MACO1: variants seen among roughly 807,000 people sequenced by gnomAD.
MACO1 encodes macoilin 1.
A neutral mutation model predicts 78.7 loss-of-function variants in MACO1; 14 were observed. That is an observed-to-expected ratio of 0.18 (90% confidence interval 0.12 to 0.28). The LOEUF (loss-of-function observed/expected upper bound fraction) is 0.28, where lower values mean the gene tolerates loss of function less well. Among genes scored for constraint, MACO1 ranks in the 10% least tolerant of loss-of-function variants. The pLI is 1.00. For missense variants in MACO1, 501 were observed against 799.0 expected (o/e 0.63, Z 4.50); for synonymous variants, 288 against 291.6 (o/e 0.99, Z 0.12).
rs371402532 is a variant in MACO1 at position 25,498,479 on chromosome 1, T to A, written c.*13T>A. 101 of 1,574,676 alleles carry A rather than the reference T, an allele frequency of 6.4e-5. No homozygotes were observed. The highest frequency in any genetic ancestry group is 1.9e-4 in the Middle Eastern group (1 of 5,330). Reference sequence around the variant, plus strand: ...CCTGAAGAAATGAAGGCCAGCTGTGTGTTGTGCCCAAAAATTTGGTTACCG... The same window carrying A: ...CCTGAAGAAATGAAGGCCAGCTGTGAGTTGTGCCCAAAAATTTGGTTACCG... On this transcript the variant is annotated 3_prime_UTR_variant, in exon 11 of 11. Coordinates refer to ENST00000374343, the MANE Select transcript of MACO1 (RefSeq NM_018202.6).
chr1:25,452,783 G>A (rs1447410070), intron 3 of MACO1, among the ~76,000 whole-genome samples: 1 of 148,620 alleles, frequency 6.7e-6, no homozygotes. Flanking sequence ...TGCAACCTCC[G>A]CCTCCTGGGT....
chr1:25,468,179 A>C (rs928539587), intron 6 of MACO1, among the ~76,000 whole-genome samples: 1 of 152,064 alleles, frequency 6.6e-6, no homozygotes, highest in African/African-American at 2.4e-5. Flanking sequence ...GAGTGTACTT[A>C]CTTATCTCTA....
chr1:25,482,654 A>G (rs749229779), intron 6 of MACO1, among the ~76,000 whole-genome samples: 2 of 152,138 alleles, frequency 1.3e-5, no homozygotes, highest in Non-Finnish European at 2.9e-5. Context: ...CCTCAGACTC[A>G]CATAGCACTT....
chr1:25,453,660 C>CAAAAAA (rs532604219), intron 3 of MACO1, among the ~76,000 whole-genome samples: 4 of 69,164 alleles, frequency 5.8e-5, no homozygotes, highest in African/African-American at 1.0e-4. Context: ...GAGACTCCCT[C>CAAAAAA]AAAAAAAAAA....
Position 25,485,933 on chromosome 1 carries a change from T to A in MACO1, c.1496+138T>A. ...GGATTGCTTTTAAGTACTGTTTTAT[T>A]AACTGGTTTAAACTCCATGTGTGCA... On this transcript the variant is annotated intron_variant, in intron 8 of 10. Coordinates refer to ENST00000374343, the MANE Select transcript of MACO1 (RefSeq NM_018202.6). The surrounding 1 kb of genome is among the most constrained non-coding windows in gnomAD (Gnocchi z 4.3). 1.1e-6 allele frequency: 1 copy of A among 927,792 alleles called. No homozygotes were observed. The highest frequency in any genetic ancestry group is 1.6e-6 in the Non-Finnish European group (1 of 611,832). 57.5% of individuals were successfully genotyped at this position (927,792 alleles called of 1,614,324 possible). A position where few individuals can be genotyped will look rare whatever the true frequency, so the allele number is the denominator to read the frequency against.
intron 6 of MACO1, among the ~76,000 whole-genome samples, chr1:25,474,988 T>G (rs972379697): frequency 2.6e-5 from 4 of 152,130 alleles, no homozygotes; most frequent in Non-Finnish European, 4.4e-5. Context: ...GAATCTAAAT[T>G]TAGAAAAACT....
intron 6 of MACO1, among the ~76,000 whole-genome samples, chr1:25,471,877 A>G (rs1038821505): frequency 6.6e-6 from 1 of 152,328 alleles, no homozygotes; most frequent in South Asian, 2.1e-4. Flanking sequence ...TTTAAAATCC[A>G]GCACTCCGTC....
At chr1:25,448,704 C>G (rs1282978886) in intron 2 of MACO1, 104 bp from the exon 3 acceptor site, 2 of 1,091,694 alleles carry the variant, frequency 1.8e-6, no homozygotes, top group African/African-American at 1.6e-5. Context: ...CAAGTTATCT[C>G]TTAGCAGTTT....
intron 6 of MACO1, among the ~76,000 whole-genome samples, chr1:25,472,894 AAAATGTATG>A (rs1349191156): frequency 6.6e-6 from 1 of 152,238 alleles, no homozygotes; most frequent in Non-Finnish European, 1.5e-5. Context: ...AATTATAATA[AAAATGTATG>A]AAATTTTAGA....
At chr1:25,486,310 GTC>G (rs1292387005) in intron 8 of MACO1, among the ~76,000 whole-genome samples, 4 of 152,190 alleles carry the variant, frequency 2.6e-5, no homozygotes, top group African/African-American at 9.6e-5. Flanking sequence ...TGAAACATAA[GTC>G]TCTACTAGAT....
At chr1:25,436,181 A>G (rs2042917644) in intron 1 of MACO1, among the ~76,000 whole-genome samples, 1 of 152,146 alleles carries the variant, frequency 6.6e-6, no homozygotes, top group Non-Finnish European at 1.5e-5. Context: ...CTTACTAGTT[A>G]TATGCTTGTA....
chr1:25,469,145 G>C (rs1439434233), intron 6 of MACO1, among the ~76,000 whole-genome samples: 1 of 152,016 alleles, frequency 6.6e-6, no homozygotes, highest in African/African-American at 2.4e-5. Context: ...ACCTGGCTGA[G>C]AAGTGTTTAA....
chr1:25,462,633 G>A (rs1465838417), intron 6 of MACO1, among the ~76,000 whole-genome samples: 1 of 152,174 alleles, frequency 6.6e-6, no homozygotes, highest in African/African-American at 2.4e-5. Context: ...CTACAGCTAT[G>A]TCTGTCTGAA....
In MACO1 at chr1:25,435,443, G is replaced by T. The variant is rs759864928; in HGVS notation, c.80+4265G>T. On this transcript the variant is annotated intron_variant, in intron 1 of 10. Transcript: ENST00000374343. ...TGACTTTTTAAAGTGATTAAATTTTGCATTCTTCTCAACTTCCCAATTTCC... is the reference window on the plus strand; with the variant it reads ...TGACTTTTTAAAGTGATTAAATTTTTCATTCTTCTCAACTTCCCAATTTCC... Among the ~76,000 whole-genome samples the T allele has an allele frequency of 5.3e-5, 8 of 152,224 alleles. No homozygotes were observed. In the East Asian group the frequency reaches 1.5e-3, roughly 29 times the overall value.
intron 3 of MACO1, 84 bp from the exon 4 acceptor site, chr1:25,454,175 G>A (rs1028949910): frequency 8.0e-6 from 11 of 1,371,354 alleles, no homozygotes; most frequent in Non-Finnish European, 1.0e-5. Context: ...GAAAGTTACT[G>A]TCGTCAAATT....
chr1:25,459,400 C>G (rs1399470819), intron 6 of MACO1, among the ~76,000 whole-genome samples: 1 of 152,040 alleles, frequency 6.6e-6, no homozygotes, highest in East Asian at 1.9e-4. Context: ...ATTTGAAAAG[C>G]AATCTCTTTC....
At chr1:25,467,974 C>T (rs141418103) in intron 6 of MACO1, among the ~76,000 whole-genome samples, 173 of 152,154 alleles carry the variant, frequency 1.1e-3, no homozygotes, top group Middle Eastern at 3.4e-3. Context: ...CTTGCTTTTT[C>T]TGCTTTATAT....
At chr1:25,498,164 C>A in intron 10 of MACO1, 100 bp from the exon 11 acceptor site, 1 of 1,151,310 alleles carries the variant, frequency 8.7e-7, no homozygotes, top group Non-Finnish European at 1.3e-6. Flanking sequence ...GAACCTGGAG[C>A]TGTTCACACT....
At position 25,458,542 on chromosome 1, in the gene MACO1, T is replaced by G. The variant is rs772163382; in HGVS notation, c.804T>G (p.Leu268=). 1.2e-6 allele frequency: 2 copies of G among 1,613,840 alleles called. No individual in the cohort carries two copies. The highest frequency in any genetic ancestry group is 1.7e-6 in the Non-Finnish European group (2 of 1,179,916). ...EKDKDAKKHN[L]GINNNNILQP... Reference sequence around the variant, plus strand: ...ACAAGGATGCCAAAAAACACAACCTTGGAATAAATAACAACAATATTCTAC... The same window carrying G: ...ACAAGGATGCCAAAAAACACAACCTGGGAATAAATAACAACAATATTCTAC... Residue 268 remains leucine (L), a synonymous_variant, in exon 6 of 11, where the codon CTT becomes CTG. Transcript: ENST00000374343.
Sources: gnomAD v4.1 joint callset for allele counts (sites outside exome capture counted in the v4.1 genomes callset) on GRCh38, gnomAD v4.1.1 for gene constraint, Gnocchi (gnomAD v3.1) non-coding constraint, MANE v1.5 for transcripts, NCBI Gene and HGNC (gene_info 2026-07-23, HGNC 2026-07-21) for gene names.